Variants in KCNAB1 observed in about 807,000 individuals in gnomAD.
KCNAB1 encodes voltage-gated potassium channel subunit beta-1.
In KCNAB1, 35 loss-of-function variants were observed where a neutral mutation model predicts 64.6. The ratio of observed to expected loss-of-function variants is 0.54; its 90% confidence interval spans 0.41 to 0.72. The LOEUF (loss-of-function observed/expected upper bound fraction) is 0.72, where lower values mean the gene tolerates loss of function less well. KCNAB1 is among the 30% of genes least tolerant of loss of function. The pLI, the probability that KCNAB1 is intolerant of heterozygous loss-of-function variation, is 0.00. For synonymous variants in KCNAB1, 177 were observed against 183.8 expected (o/e 0.96, Z 0.30); for missense variants, 401 against 512.9 (o/e 0.78, Z 2.11).
chr3:156,227,225 A>G (rs1284710263), intron 1 of KCNAB1, among the ~76,000 whole-genome samples: 1 of 152,228 alleles, frequency 6.6e-6, no homozygotes, highest in Non-Finnish European at 1.5e-5. Context: ...ATGCAAGGAA[A>G]AAGTTCTTTT....
At chr3:156,297,963 A>G (rs2107981499) in intron 1 of KCNAB1, among the ~76,000 whole-genome samples, 1 of 152,210 alleles carries the variant, frequency 6.6e-6, no homozygotes, top group African/African-American at 2.4e-5. Context: ...TTCTTGGTTT[A>G]TTTTTGGGTT....
At chr3:156,379,266 A>C (rs1414402735) in intron 1 of KCNAB1, among the ~76,000 whole-genome samples, 1 of 152,244 alleles carries the variant, frequency 6.6e-6, no homozygotes, top group African/African-American at 2.4e-5. Flanking sequence ...TGCTGGGGAC[A>C]TAGCAATAAA....
chr3:156,325,244 G>A (rs6766110), intron 1 of KCNAB1, among the ~76,000 whole-genome samples: 95 of 152,084 alleles, frequency 6.2e-4, no homozygotes, highest in Middle Eastern at 6.8e-3. Context: ...AGATCTAAAC[G>A]CAATTTTGTC....
intron 1 of KCNAB1, among the ~76,000 whole-genome samples, chr3:156,419,357 C>T (rs183150079): frequency 1.3e-5 from 2 of 151,968 alleles, no homozygotes; most frequent in African/African-American, 2.4e-5. Context: ...AAAAATTAGC[C>T]AGGCGTGGTG....
chr3:156,127,884 GGTGTGTGTGTGTGTGTGTGT>G (rs10576749), intron 1 of KCNAB1, among the ~76,000 whole-genome samples: 1 of 147,556 alleles, frequency 6.8e-6, no homozygotes, highest in Non-Finnish European at 1.5e-5. Context: ...CTTCATTTGG[GGTGTGTGTGTGTGTGTGTGT>G]GTGTGTGTGT....
At chr3:156,391,828 G>A (rs761462533) in intron 1 of KCNAB1, among the ~76,000 whole-genome samples, 1 of 152,188 alleles carries the variant, frequency 6.6e-6, no homozygotes, top group Non-Finnish European at 1.5e-5. Context: ...ATGGCACAGA[G>A]GAGGGGCAGA....
rs193263987 is a variant in KCNAB1, at chr3:156,218,239, G to T, written c.275+97353G>T. Reference sequence around the variant, plus strand: ...CTGCTGGCTTTTCCCCACTTCCCTGGTGACCCGTATGACTCAGCAGAGGCA... The same window carrying T: ...CTGCTGGCTTTTCCCCACTTCCCTGTTGACCCGTATGACTCAGCAGAGGCA... On this transcript the variant is annotated intron_variant, in intron 1 of 13. Coordinates refer to ENST00000490337, the MANE Select transcript of KCNAB1 (RefSeq NM_172160.3). Among the ~76,000 whole-genome samples the T allele has an allele frequency of 2.3e-4, 35 of 152,224 alleles. No homozygotes were observed. In the East Asian group the frequency reaches 5.8e-3, roughly 25 times the overall value.
intron 1 of KCNAB1, among the ~76,000 whole-genome samples, chr3:156,407,363 C>A (rs920336308): frequency 6.6e-6 from 1 of 152,174 alleles, no homozygotes; most frequent in African/African-American, 2.4e-5. Flanking sequence ...TTCTGGCCAC[C>A]TTTTCTTTGC....
chr3:156,335,839 A>G (rs1415539098), intron 1 of KCNAB1, among the ~76,000 whole-genome samples: 1 of 149,162 alleles, frequency 6.7e-6, no homozygotes, highest in East Asian at 2.0e-4. Context: ...GTGTGATTCT[A>G]TAAAATTGTT....
intron 1 of KCNAB1, among the ~76,000 whole-genome samples, chr3:156,207,758 C>T (rs1714756677): frequency 1.3e-5 from 2 of 152,226 alleles, no homozygotes; most frequent in Middle Eastern, 3.4e-3. Flanking sequence ...CAGGTCTTCC[C>T]GTTGCACAAC....
intron 1 of KCNAB1, among the ~76,000 whole-genome samples, chr3:156,394,616 C>A (rs1404086561): frequency 6.6e-6 from 1 of 152,166 alleles, no homozygotes; most frequent in Non-Finnish European, 1.5e-5. Context: ...ATGTTTGAGG[C>A]CAGATCACCT....
At chr3:156,316,712 G>A (rs896537851) in intron 1 of KCNAB1, among the ~76,000 whole-genome samples, 2 of 152,212 alleles carry the variant, frequency 1.3e-5, no homozygotes, top group Non-Finnish European at 2.9e-5. Context: ...GAGGGCCCCT[G>A]CCAGGAGGCA....
chr3:156,427,115 C>T (rs1046733394), intron 2 of KCNAB1, among the ~76,000 whole-genome samples: 1 of 152,024 alleles, frequency 6.6e-6, no homozygotes, highest in Admixed American at 6.6e-5. Context: ...AGGAGGTCTT[C>T]CTGAGTGCAG....
rs140737768 is a variant in KCNAB1, at chr3:156,242,819, C to T, written c.275+121933C>T. Among the ~76,000 whole-genome samples, 1,068 of 146,656 alleles carry T rather than the reference C, an allele frequency of 7.3e-3. 12 individuals are homozygous for T. The highest frequency in any genetic ancestry group is 0.026 in the African/African-American group (1,022 of 39,914). On this transcript the variant is annotated intron_variant, in intron 1 of 13. Transcript: ENST00000490337. ...TTTTTTTTTTCTGTTTTGATACTGG[C>T]TTTTGTGTTTTGACATTTTTCATGT...
intron 2 of KCNAB1, among the ~76,000 whole-genome samples, chr3:156,423,046 C>T (rs1168210744): frequency 6.6e-6 from 1 of 152,092 alleles, no homozygotes; most frequent in Non-Finnish European, 1.5e-5. Flanking sequence ...GTGACTTTTA[C>T]AAGGTCTGTT....
rs1437315941 is a variant in KCNAB1 at position 156,227,532 on chromosome 3, G to T, written c.275+106646G>T. ...TATTTTTATATGCAAATTAGTATAC[G>T]ATTCTCTTGTTTGATTCAACAATAG... On this transcript the variant is annotated intron_variant, in intron 1 of 13. Transcript: ENST00000490337. Among the ~76,000 whole-genome samples the T allele has an allele frequency of 3.3e-5, 5 of 152,240 alleles. No individual in the cohort carries two copies. In the East Asian group the frequency reaches 9.6e-4, roughly 29 times the overall value.
intron 1 of KCNAB1, among the ~76,000 whole-genome samples, chr3:156,280,806 A>G (rs1232498597): frequency 6.6e-6 from 1 of 151,540 alleles, no homozygotes; most frequent in African/African-American, 2.4e-5. Flanking sequence ...ATTTTTGTAC[A>G]TTGATTTTGT....
rs183685414 is a variant in KCNAB1 at position 156,175,392 on chromosome 3, G to A, written c.275+54506G>A. Among the ~76,000 whole-genome samples, 133 of 152,262 alleles carry A rather than the reference G, an allele frequency of 8.7e-4. 1 individual carries two copies. The highest frequency in any genetic ancestry group is 1.5e-3 in the Non-Finnish European group (103 of 68,012). ...TCCCAGCACTTTGGGAGGCCGAGGC[G>A]GGTGGATCACAAGGTCAGGAGATCG... is the stretch of plus-strand genomic sequence containing the variant. On this transcript the variant is annotated intron_variant, in intron 1 of 13. Coordinates refer to ENST00000490337, the MANE Select transcript of KCNAB1 (RefSeq NM_172160.3).
intron 1 of KCNAB1, among the ~76,000 whole-genome samples, chr3:156,177,780 G>A (rs531891630): frequency 6.6e-6 from 1 of 151,992 alleles, no homozygotes; most frequent in East Asian, 1.9e-4. Context: ...TCGCCCTGTC[G>A]CCCAGGCTGG....
Sources: allele counts gnomAD v4.1 joint callset (sites outside exome capture counted in the v4.1 genomes callset), GRCh38; gene constraint gnomAD v4.1.1; transcripts MANE v1.5; gene names NCBI Gene and HGNC (gene_info 2026-07-23, HGNC 2026-07-21).